IMMP2L: variants seen among roughly 807,000 people sequenced by gnomAD.
IMMP2L encodes the protein inner mitochondrial membrane peptidase subunit 2.
Under a neutral mutation model 19.3 loss-of-function variants are expected in IMMP2L, and 18 were observed. That is an observed-to-expected ratio of 0.93 (90% CI 0.64 to 1.38). The LOEUF is 1.38. IMMP2L is among the 40% of genes most tolerant of loss of function. The pLI is 0.00. For synonymous variants in IMMP2L, 76 were observed against 73.0 expected (o/e 1.04, Z -0.21); for missense variants, 233 against 218.2 (o/e 1.07, Z -0.43).
chr7:111,546,537 T>C (rs1848951927), intron 1 of IMMP2L, among the ~76,000 whole-genome samples: 1 of 152,218 alleles, frequency 6.6e-6, no homozygotes, highest in Non-Finnish European at 1.5e-5. Flanking sequence ...TCCTATGATA[T>C]GAATTGCAAA....
chr7:111,086,767 T>A (rs1796378477), intron 3 of IMMP2L, among the ~76,000 whole-genome samples: 1 of 152,206 alleles, frequency 6.6e-6, no homozygotes, highest in Non-Finnish European at 1.5e-5. Flanking sequence ...TATCGACTCA[T>A]TTTTTCCACT....
chr7:111,532,588 A>C (rs1010461927), intron 1 of IMMP2L: 1 of 152,190 alleles, frequency 6.6e-6, no homozygotes, highest in Admixed American at 6.5e-5. Flanking sequence ...TCAGGCCACT[A>C]GACCCCAAGG....
At chr7:111,551,157 G>A (rs939208571) in intron 1 of IMMP2L, among the ~76,000 whole-genome samples, 3 of 152,048 alleles carry the variant, frequency 2.0e-5, no homozygotes, top group Non-Finnish European at 4.4e-5. Flanking sequence ...GTCCCCCAGC[G>A]ACAAGCAAGA....
intron 3 of IMMP2L, among the ~76,000 whole-genome samples, chr7:111,416,719 T>C (rs983561064): frequency 1.3e-5 from 2 of 151,716 alleles, no homozygotes; most frequent in African/African-American, 4.9e-5. Flanking sequence ...CAGTTTAATA[T>C]GCACAGGTCT....
chr7:111,530,400 T>C (rs1330306420), intron 1 of IMMP2L, among the ~76,000 whole-genome samples: 1 of 152,176 alleles, frequency 6.6e-6, no homozygotes, highest in Non-Finnish European at 1.5e-5. Flanking sequence ...AAAGCCCATC[T>C]TCTAGGTGAT....
chr7:111,059,798 T>C (rs1188456723), intron 3 of IMMP2L, among the ~76,000 whole-genome samples: 1 of 152,114 alleles, frequency 6.6e-6, no homozygotes, highest in Non-Finnish European at 1.5e-5. Context: ...ACTTCAAGTG[T>C]CTAAAAATAT....
intron 3 of IMMP2L, among the ~76,000 whole-genome samples, chr7:111,202,278 T>A (rs757619405): frequency 2.6e-5 from 4 of 152,100 alleles, no homozygotes; most frequent in Non-Finnish European, 5.9e-5. Context: ...GAACTTAAAT[T>A]TGTCTGGAAA....
intron 5 of IMMP2L, among the ~76,000 whole-genome samples, chr7:110,701,141 CATTT>C (rs1025165001): frequency 6.6e-6 from 1 of 152,064 alleles, no homozygotes; most frequent in South Asian, 2.1e-4. Context: ...CTGAAATGAC[CATTT>C]ATTACAAAAT....
intron 3 of IMMP2L, among the ~76,000 whole-genome samples, chr7:111,351,073 GCTTA>G (rs945124303): frequency 8.5e-5 from 13 of 152,108 alleles, no homozygotes; most frequent in African/African-American, 2.9e-4. Flanking sequence ...AAAGTAAAAA[GCTTA>G]CTTAATACAT....
rs143282490 is a variant in IMMP2L, at chr7:110,967,751, T to C, written c.240-4186A>G. The stretch of plus-strand genomic sequence containing the variant: ...TTTCACTATCCTAAAGGATAAAGCA[T>C]GCATTAAGCCATATAACTTTACATC... On this transcript the variant is annotated intron_variant, in intron 3 of 5. Coordinates refer to ENST00000405709, the MANE Select transcript of IMMP2L (RefSeq NM_032549.4). Among the ~76,000 whole-genome samples the C allele has an allele frequency of 9.9e-3, 1,502 of 152,256 alleles. 21 individuals are homozygous for C. Among genetic ancestry groups the C allele is most frequent in the African/African-American group, 0.033 (1,390 of 41,582 alleles).
chr7:111,450,277 A>G (rs1418167593), intron 3 of IMMP2L, among the ~76,000 whole-genome samples: 1 of 151,228 alleles, frequency 6.6e-6, no homozygotes, highest in African/African-American at 2.5e-5. Flanking sequence ...AAAAGAACAA[A>G]GCTGGAGGCA....
intron 3 of IMMP2L, among the ~76,000 whole-genome samples, chr7:111,293,096 G>T (rs1821282663): frequency 1.3e-5 from 2 of 151,976 alleles, no homozygotes; most frequent in Admixed American, 6.6e-5. Flanking sequence ...CCTAAGAAGT[G>T]CAGGGAAACT....
At chr7:110,901,734 G>A (rs1408463662) in intron 4 of IMMP2L, among the ~76,000 whole-genome samples, 1 of 152,142 alleles carries the variant, frequency 6.6e-6, no homozygotes, top group African/African-American at 2.4e-5. Flanking sequence ...TTGCTATCCT[G>A]ATTAAGTGAA....
At chr7:110,989,168 G>A (rs1012061485) in intron 3 of IMMP2L, among the ~76,000 whole-genome samples, 2 of 152,154 alleles carry the variant, frequency 1.3e-5, no homozygotes, top group Non-Finnish European at 2.9e-5. Flanking sequence ...CTGGGTGGCA[G>A]AGATTGCGGT....
chr7:111,375,852 T>C (rs556812476), intron 3 of IMMP2L, among the ~76,000 whole-genome samples: 1 of 152,202 alleles, frequency 6.6e-6, no homozygotes, highest in Non-Finnish European at 1.5e-5. Context: ...CTGAGGGTCA[T>C]GTGAAATTTA....
chr7:111,256,592 C>A (rs1816722802), intron 3 of IMMP2L, among the ~76,000 whole-genome samples: 1 of 152,036 alleles, frequency 6.6e-6, no homozygotes, highest in Admixed American at 6.6e-5. Flanking sequence ...TTCTCATTCT[C>A]ACCACAGATT....
At chr7:111,241,153 CTATT>C (rs1056535441) in intron 3 of IMMP2L, among the ~76,000 whole-genome samples, 6 of 151,854 alleles carry the variant, frequency 4.0e-5, no homozygotes, top group African/African-American at 9.7e-5. Flanking sequence ...TTTCAAAAAA[CTATT>C]AATTTAAAAT....
intron 3 of IMMP2L, among the ~76,000 whole-genome samples, chr7:111,108,558 C>T (rs935791839): frequency 1.3e-5 from 2 of 152,068 alleles, no homozygotes; most frequent in Non-Finnish European, 1.5e-5. Flanking sequence ...AGTTTCCTCA[C>T]AACAGATTTA....
chr7:111,402,108 A>G, intron 3 of IMMP2L, among the ~76,000 whole-genome samples: 1 of 143,570 alleles, frequency 7.0e-6, no homozygotes. Context: ...ACCACATAGC[A>G]AGACCCCATC....
Sources: allele counts gnomAD v4.1 joint callset (sites outside exome capture counted in the v4.1 genomes callset), GRCh38; gene constraint gnomAD v4.1.1; transcripts MANE v1.5; gene names NCBI Gene and HGNC (gene_info 2026-07-23, HGNC 2026-07-21).